ANKRD30B: variants seen among roughly 807,000 people sequenced by gnomAD.
The protein encoded by ANKRD30B is ankyrin repeat domain-containing protein 30B.
A neutral mutation model predicts 202.2 loss-of-function variants in ANKRD30B; 144 were observed. The observed-to-expected ratio is 0.71, with a 90% CI of 0.62 to 0.82. The LOEUF (loss-of-function observed/expected upper bound fraction) is 0.82, where lower values mean the gene tolerates loss of function less well. ANKRD30B is among the 40% of genes least tolerant of loss of function. The pLI is 0.00. For missense variants in ANKRD30B, 1,487 were observed against 1,669.1 expected (o/e 0.89, Z 1.90); for synonymous variants, 508 against 561.3 (o/e 0.91, Z 1.34).
At chr18:14,831,182 A>G (rs866581142) in intron 33 of ANKRD30B, among the ~76,000 whole-genome samples, 79 of 69,084 alleles carry the variant, frequency 1.1e-3, no homozygotes, top group African/African-American at 1.5e-3. Flanking sequence ...TCCGTCTCGG[A>G]AAAAAAAAAA....
At chr18:14,787,144 G>T (rs529395865) in intron 15 of ANKRD30B, 44 bp downstream of exon 15, 2 of 1,528,196 alleles carry the variant, frequency 1.3e-6, no homozygotes, top group East Asian at 4.6e-5. Flanking sequence ...TATTGCATGA[G>T]ATGAAAACAT....
In ANKRD30B at chr18:14,837,218, C is replaced by T. The variant is rs756675099; in HGVS notation, c.2855C>T (p.Ala952Val). 1 of 1,543,108 alleles carries T rather than the reference C, an allele frequency of 6.5e-7. No individual in the cohort carries two copies. Among genetic ancestry groups the T allele is most frequent in the South Asian group, 1.2e-5 (1 of 82,188 alleles). The change falls in exon 35 of 44, where the codon GCA becomes GTA. Residue 952 changes from alanine to valine, a missense_variant. Physicochemically the swap from Ala to Val is moderately conservative, Grantham distance 64. This residue lies in a region of ANKRD30B where 218 missense variants were observed against 320.1 expected (regional missense o/e 0.68). Coordinates refer to ENST00000690538, the MANE Select transcript of ANKRD30B (RefSeq NM_001367607.2). The stretch of plus-strand genomic sequence containing the variant: ...GTGTTTTGTTTGTAATAGGAGGGAG[C>T]AACAAAGACAGTAACTGGACAACAG... ...EDFNLTTKEGATKTVTGQQER... is the reference protein window; with the variant it reads ...EDFNLTTKEGVTKTVTGQQER...
At chr18:14,773,378 A>G (rs1367788266) in intron 9 of ANKRD30B, among the ~76,000 whole-genome samples, 1 of 152,170 alleles carries the variant, frequency 6.6e-6, no homozygotes, top group Non-Finnish European at 1.5e-5. Context: ...AGAGGTTTTC[A>G]ATGTGAATAA....
the ANKRD30B span, among the ~76,000 whole-genome samples, chr18:14,928,856 A>G: frequency 2.0e-5 from 3 of 152,158 alleles, no homozygotes; most frequent in Non-Finnish European, 2.9e-5. Context: ...GGGGCCATTC[A>G]TTGTTTCTCA....
At chr18:14,888,293 CTGAT>C in the ANKRD30B span, among the ~76,000 whole-genome samples, 1 of 151,958 alleles carries the variant, frequency 6.6e-6, no homozygotes, top group Non-Finnish European at 1.5e-5. Context: ...GCCTGTAGGT[CTGAT>C]ATACCTTATG....
chr18:14,759,194 G>C (rs1318620251), intron 5 of ANKRD30B: 1 of 152,174 alleles, frequency 6.6e-6, no homozygotes, highest in Non-Finnish European at 1.5e-5. Context: ...ATTTGTGCTG[G>C]TGTCAGGGGT....
At chr18:14,777,518 G>A (rs1299670306) in intron 9 of ANKRD30B, among the ~76,000 whole-genome samples, 4 of 151,644 alleles carry the variant, frequency 2.6e-5, no homozygotes, top group African/African-American at 9.7e-5. Context: ...GGGTAGTCTC[G>A]ATCTCTTGAC....
At chr18:14,794,019 C>T (rs957718743) in intron 16 of ANKRD30B, among the ~76,000 whole-genome samples, 19 of 152,120 alleles carry the variant, frequency 1.2e-4, no homozygotes, top group African/African-American at 4.6e-4. Context: ...AAGTGTATGT[C>T]CTACTTCACG....
chr18:14,749,098 A>G (rs745831300), intron 1 of ANKRD30B, among the ~76,000 whole-genome samples: 8 of 152,216 alleles, frequency 5.3e-5, no homozygotes, highest in Non-Finnish European at 1.0e-4. Context: ...ATAAAGTCCA[A>G]TGTCCATTTT....
At chr18:14,934,874 T>A in the ANKRD30B span, among the ~76,000 whole-genome samples, 1 of 150,722 alleles carries the variant, frequency 6.6e-6, no homozygotes. Flanking sequence ...GAGAGGGGTG[T>A]GCACAGGTAG....
intron 3 of ANKRD30B, among the ~76,000 whole-genome samples, chr18:14,753,410 A>G (rs1913790527): frequency 6.6e-6 from 1 of 152,186 alleles, no homozygotes. Context: ...TCTCTTGAGC[A>G]CATATGACTG....
the ANKRD30B span, among the ~76,000 whole-genome samples, chr18:14,865,991 C>G: frequency 2.4e-4 from 37 of 152,254 alleles, no homozygotes; most frequent in Non-Finnish European, 4.7e-4. Context: ...AGCCCGGAGG[C>G]CTACTCTGAT....
intron 42 of ANKRD30B, 134 bp downstream of exon 42, chr18:14,852,554 G>C: frequency 8.5e-7 from 1 of 1,173,656 alleles, no homozygotes. Flanking sequence ...TTAGAAACAT[G>C]CCTCATTTCC....
chr18:14,752,400 G>A (rs1171257715), intron 1 of ANKRD30B, among the ~76,000 whole-genome samples, 166 bp from the exon 2 acceptor site: 4 of 152,132 alleles, frequency 2.6e-5, no homozygotes, highest in Non-Finnish European at 4.4e-5. Context: ...TCATTAATGC[G>A]GTGAGTAATA....
At chr18:14,846,989 GCT>G (rs1222593897) in intron 39 of ANKRD30B, among the ~76,000 whole-genome samples, 1 of 128,538 alleles carries the variant, frequency 7.8e-6, no homozygotes, top group Non-Finnish European at 1.6e-5. Context: ...GATCTTCTTT[GCT>G]CTGTTTTGTT....
At position 14,748,462 on chromosome 18, in the gene ANKRD30B, C is replaced by T. The variant is rs1598550621; in HGVS notation, c.43C>T (p.Pro15Ser). ...TGCCGCTGGCAAGGGCGTGCGGGGC[C>T]CGGAGCCCCCGAACCCCTTCAGCGA... ...LAAAGKGVRG[P>S]EPPNPFSERV... The change falls in exon 1 of 44, where the codon CCG becomes TCG. Residue 15 changes from proline to serine, a missense_variant. This residue lies in a region of ANKRD30B where 889 missense variants were observed against 841.4 expected (regional missense o/e 1.06). Transcript: ENST00000690538. The T allele has an allele frequency of 1.3e-6, 2 of 1,538,376 alleles. No homozygotes were observed. The highest frequency in any genetic ancestry group is 1.8e-6 in the Non-Finnish European group (2 of 1,139,882).
chr18:14,831,043 G>A (rs906907447), intron 33 of ANKRD30B, among the ~76,000 whole-genome samples: 5 of 151,588 alleles, frequency 3.3e-5, no homozygotes, highest in African/African-American at 4.8e-5. Context: ...TTAGCCGGGC[G>A]CAGTGGCGGG....
chr18:14,819,072 T>C (rs893036747), intron 30 of ANKRD30B, among the ~76,000 whole-genome samples: 36 of 152,140 alleles, frequency 2.4e-4, no homozygotes, highest in African/African-American at 8.5e-4. Flanking sequence ...TGTGAGATGG[T>C]ATCTCATAGT....
chr18:14,780,139 T>G (rs989898971), intron 11 of ANKRD30B, 118 bp downstream of exon 11: 2 of 753,454 alleles, frequency 2.7e-6, no homozygotes, highest in African/African-American at 3.7e-5. Flanking sequence ...CAGAAGAAAT[T>G]CTGATATTTC....
Sources: allele counts gnomAD v4.1 joint callset (sites outside exome capture counted in the v4.1 genomes callset), GRCh38; gene constraint gnomAD v4.1.1; regional missense constraint gnomAD v4.1.1; transcripts MANE v1.5; gene names NCBI Gene and HGNC (gene_info 2026-07-23, HGNC 2026-07-21).